The following SASH1 variants were observed in gnomAD, a reference collection of about 807,000 sequenced individuals.
The protein encoded by SASH1 is SAM and SH3 domain-containing protein 1.
A neutral mutation model predicts 125.2 loss-of-function variants in SASH1; 44 were observed. The observed-to-expected ratio is 0.35, with a 90% confidence interval of 0.28 to 0.45. The LOEUF (loss-of-function observed/expected upper bound fraction) is 0.45, where lower values mean the gene tolerates loss of function less well. Among genes scored for constraint, SASH1 ranks in the 20% least tolerant of loss-of-function variants. The pLI, the probability that SASH1 is intolerant of heterozygous loss-of-function variation, is 1.00. For missense variants in SASH1, 1,426 were observed against 1,614.5 expected (o/e 0.88, Z 2.00); for synonymous variants, 639 against 649.1 (o/e 0.98, Z 0.24).
At chr6:148,392,432 A>G (rs1354564756) in intron 2 of SASH1, among the ~76,000 whole-genome samples, 1 of 152,190 alleles carries the variant, frequency 6.6e-6, no homozygotes, top group African/African-American at 2.4e-5. Flanking sequence ...GTAGGAACAG[A>G]TAATTCTTTT....
intron 2 of SASH1, among the ~76,000 whole-genome samples, chr6:148,407,890 C>T (rs187068416): frequency 0.013 from 1,970 of 152,200 alleles, 16 homozygotes; most frequent in Non-Finnish European, 0.021. Flanking sequence ...GCCTCGGCCT[C>T]CCAAAGTGCT....
intron 4 of SASH1, among the ~76,000 whole-genome samples, chr6:148,449,687 G>A (rs1025739968): frequency 7.9e-5 from 12 of 152,148 alleles, no homozygotes; most frequent in South Asian, 2.1e-4. Context: ...GCGCCCAGTC[G>A]GAGACTGGCT....
At chr6:148,372,922 C>T (rs555328970) in intron 1 of SASH1, among the ~76,000 whole-genome samples, 6 of 152,194 alleles carry the variant, frequency 3.9e-5, no homozygotes, top group South Asian at 2.1e-4. Context: ...GGGCCGGGCA[C>T]GGTGGCTCAC....
At chr6:148,360,594 T>G (rs1782152108) in intron 1 of SASH1, among the ~76,000 whole-genome samples, 1 of 150,472 alleles carries the variant, frequency 6.6e-6, no homozygotes, top group Admixed American at 6.7e-5. Context: ...GCCAGTGATC[T>G]GCCACCTTGG....
intron 1 of SASH1, among the ~76,000 whole-genome samples, chr6:148,386,686 G>A (rs149115115): frequency 6.0e-4 from 91 of 152,312 alleles, no homozygotes; most frequent in Admixed American, 2.4e-3. Context: ...ACGTTCCTGA[G>A]ACCAAGACAA....
the SASH1 span, among the ~76,000 whole-genome samples, chr6:148,267,006 C>A: frequency 2.6e-5 from 4 of 152,090 alleles, no homozygotes; most frequent in Non-Finnish European, 5.9e-5. Context: ...CTAAGGTACA[C>A]CTCAGCAGTT....
intron 2 of SASH1, among the ~76,000 whole-genome samples, chr6:148,398,365 T>C (rs1279430948): frequency 6.6e-6 from 1 of 152,314 alleles, no homozygotes; most frequent in East Asian, 1.9e-4. Context: ...TGGGTTTTTG[T>C]TTGGTTTCAC....
At chr6:148,215,262 A>G in the SASH1 span, among the ~76,000 whole-genome samples, 1 of 152,204 alleles carries the variant, frequency 6.6e-6, no homozygotes, top group African/African-American at 2.4e-5. Context: ...AAATTCAATA[A>G]GCATCTGGAA....
chr6:148,230,226 A>AT, the SASH1 span, among the ~76,000 whole-genome samples: 1 of 152,070 alleles, frequency 6.6e-6, no homozygotes, highest in African/African-American at 2.4e-5. Flanking sequence ...TCCATTTTCT[A>AT]TCCTGTGTCA....
chr6:148,214,658 A>G, the SASH1 span, among the ~76,000 whole-genome samples: 2 of 152,168 alleles, frequency 1.3e-5, no homozygotes, highest in Non-Finnish European at 2.9e-5. Flanking sequence ...TTGTGCCTAA[A>G]TACAACTGAG....
chr6:148,194,892 C>T, the SASH1 span, among the ~76,000 whole-genome samples: 31 of 152,180 alleles, frequency 2.0e-4, no homozygotes, highest in African/African-American at 2.9e-4. Flanking sequence ...GGCGACAGAG[C>T]GAGACTCCGT....
chr6:148,491,008 G>A (rs927702643), intron 8 of SASH1, among the ~76,000 whole-genome samples: 2 of 152,136 alleles, frequency 1.3e-5, no homozygotes, highest in African/African-American at 2.4e-5. Flanking sequence ...TTTCAAGGTG[G>A]AGTCCAACTG....
At chr6:148,248,316 G>A in the SASH1 span, among the ~76,000 whole-genome samples, 2 of 152,128 alleles carry the variant, frequency 1.3e-5, no homozygotes, top group African/African-American at 4.8e-5. Flanking sequence ...TTTCCTGTTT[G>A]TTTATTTTAA....
rs146924995 is a variant in SASH1, at chr6:148,324,051, C to T, written n.74+51674C>T. ...AGGAGAATCGCTTGAACCCGGGAGG[C>T]GGAGGTTGCAGGGAGCCGAGGTCAT... is the stretch of plus-strand genomic sequence containing the variant. On this transcript the variant is annotated intron_variant and non_coding_transcript_variant, in intron 1 of 3. Transcript: ENST00000367469. 7.1e-3 allele frequency among the ~76,000 whole-genome samples: 960 copies of T among 134,504 alleles called. 6 individuals are homozygous for T. Among genetic ancestry groups the T allele is most frequent in the African/African-American group, 0.025 (894 of 36,174 alleles). The allele number at this position is 134,504 out of a possible 152,430, so 88.2% of individuals were successfully genotyped here.
chr6:148,233,750 A>AAAAAAG, the SASH1 span, among the ~76,000 whole-genome samples: 1 of 109,558 alleles, frequency 9.1e-6, no homozygotes, highest in African/African-American at 2.9e-5. Context: ...TACAAAAAAA[A>AAAAAAG]AAAAAAAAAA....
Position 148,492,066 on chromosome 6 carries a change from T to C in SASH1, c.729+4351T>C, listed in dbSNP as rs990787157. ...GACCCAGTTGTCCATACCGGGTCCCTTAGTATCAGACCCACTGTATACTGC... is the reference window on the plus strand; with the variant it reads ...GACCCAGTTGTCCATACCGGGTCCCCTAGTATCAGACCCACTGTATACTGC... On this transcript the variant is annotated intron_variant, in intron 8 of 19. Coordinates refer to ENST00000367467, the MANE Select transcript of SASH1 (RefSeq NM_015278.5). 2.0e-5 allele frequency among the ~76,000 whole-genome samples: 3 copies of C among 152,208 alleles called. No individual in the cohort carries two copies. In the South Asian group the frequency reaches 6.2e-4, roughly 32 times the overall value.
At chr6:148,195,679 C>T in the SASH1 span, among the ~76,000 whole-genome samples, 1 of 152,176 alleles carries the variant, frequency 6.6e-6, no homozygotes, top group East Asian at 1.9e-4. Context: ...AGTCAGCAGC[C>T]CCAGAAGGTG....
chr6:148,311,691 C>T (rs915997834), intron 1 of SASH1, among the ~76,000 whole-genome samples: 1 of 152,056 alleles, frequency 6.6e-6, no homozygotes, highest in Non-Finnish European at 1.5e-5. Flanking sequence ...GTAGTTGCAG[C>T]TACTCGGGAG....
At chr6:148,326,784 T>C (rs922823299) in intron 1 of SASH1, among the ~76,000 whole-genome samples, 9 of 152,130 alleles carry the variant, frequency 5.9e-5, no homozygotes, top group African/African-American at 1.4e-4. Flanking sequence ...CTTTCCTTGC[T>C]TGAAGGATAA....
Sources: gnomAD v4.1 joint callset for allele counts (sites outside exome capture counted in the v4.1 genomes callset) on GRCh38, gnomAD v4.1.1 for gene constraint, MANE v1.5 for transcripts, NCBI Gene and HGNC (gene_info 2026-07-23, HGNC 2026-07-21) for gene names.